The following PDZD2 variants were observed in gnomAD, a reference collection of about 807,000 sequenced individuals.
PDZD2 encodes the protein PDZ domain-containing protein 2.
PDZD2 carries 90 observed loss-of-function variants against 220.7 expected under a neutral mutation model. The ratio of observed to expected loss-of-function variants is 0.41; its 90% confidence interval spans 0.34 to 0.49. The LOEUF (loss-of-function observed/expected upper bound fraction) is 0.49, where lower values mean the gene tolerates loss of function less well. PDZD2 is among the 20% of genes least tolerant of loss of function. PDZD2 has a pLI of 0.28. For missense variants in PDZD2, 3,174 were observed against 3,608.5 expected, an observed-to-expected ratio of 0.88 and a Z score of 3.08; for synonymous variants, 1,375 against 1,450.5, an observed-to-expected ratio of 0.95 and a Z score of 1.18.
At chr5:31,680,081 G>A (rs762466726) in intron 1 of PDZD2, among the ~76,000 whole-genome samples, 6 of 152,122 alleles carry the variant, frequency 3.9e-5, no homozygotes, top group Non-Finnish European at 8.8e-5. Flanking sequence ...ATAATGCCTC[G>A]CATTCATGAA....
At chr5:31,664,632 G>A (rs939240484) in intron 1 of PDZD2, among the ~76,000 whole-genome samples, 6 of 152,272 alleles carry the variant, frequency 3.9e-5, no homozygotes, top group South Asian at 4.1e-4. Context: ...AGGAACAACC[G>A]TTTCAAGGTT....
At chr5:31,877,044 ATGAGTTACTGCATG>A (rs1739366293) in intron 2 of PDZD2, among the ~76,000 whole-genome samples, 1 of 152,218 alleles carries the variant, frequency 6.6e-6, no homozygotes, top group Admixed American at 6.5e-5. Flanking sequence ...TGATGATTCA[ATGAGTTACTGCATG>A]TGTCCTGCCT....
intron 1 of PDZD2, among the ~76,000 whole-genome samples, chr5:31,773,365 G>A (rs12514826): frequency 0.2 from 29,995 of 151,854 alleles, 4,610 homozygotes; most frequent in East Asian, 0.54. Context: ...AAAGGCAGAC[G>A]CGGTGGCTCA....
intron 1 of PDZD2, among the ~76,000 whole-genome samples, chr5:31,776,276 A>G (rs1122764): frequency 0.43 from 64,616 of 151,486 alleles, 14,337 homozygotes; most frequent in African/African-American, 0.46. Context: ...AAATTGTCCA[A>G]GATGCCAGCC....
chr5:31,819,439 C>G (rs1013318233), intron 2 of PDZD2, among the ~76,000 whole-genome samples: 6 of 151,900 alleles, frequency 3.9e-5, no homozygotes, highest in African/African-American at 1.5e-4. Context: ...GGTGGATCAC[C>G]TGAGGTCAGG....
At chr5:32,003,418 ACAC>A (rs1190871391) in intron 5 of PDZD2, among the ~76,000 whole-genome samples, 1 of 41,912 alleles carries the variant, frequency 2.4e-5, no homozygotes, top group African/African-American at 6.0e-5. Context: ...CTCCACACAC[ACAC>A]CCCCCCCACA....
chr5:31,799,050 T>C lies in PDZD2; in HGVS notation c.-199T>C, dbSNP rs565160445. The C allele has an allele frequency of 5.9e-5, 34 of 573,642 alleles. No homozygotes were observed. The African/African-American group carries it at 6.3e-4, about 11-fold the overall frequency. 35.5% of individuals were successfully genotyped at this position (573,642 alleles called of 1,614,324 possible). ...CTCCAGTGCCATTGTTCCACAGTTG[T>C]TCTAATTGGGTCCTAGCTTCCTCCT... On this transcript the variant is annotated 5_prime_UTR_variant, in exon 2 of 25. Coordinates refer to ENST00000438447, the MANE Select transcript of PDZD2 (RefSeq NM_178140.4).
rs1313183351 is a variant in PDZD2 at position 32,108,832 on chromosome 5, A to G, written c.*697A>G. ...GGTTATTGATCACCATGAAGTATTGATCATTTTCTATCTCAAAAGTGTAAG... is the reference window on the plus strand; with the variant it reads ...GGTTATTGATCACCATGAAGTATTGGTCATTTTCTATCTCAAAAGTGTAAG... On this transcript the variant is annotated 3_prime_UTR_variant, in exon 25 of 25. Transcript: ENST00000438447. 3 of 152,680 alleles carry G rather than the reference A, an allele frequency of 2.0e-5. No homozygotes were observed. Among genetic ancestry groups the G allele is most frequent in the Non-Finnish European group, 4.4e-5 (3 of 68,040 alleles). The allele number at this position is 152,680 out of a possible 1,614,324, so 9.5% of individuals were successfully genotyped here.
At chr5:32,010,539 G>A (rs1753211809) in intron 6 of PDZD2, 57 bp downstream of exon 6, 1 of 1,303,064 alleles carries the variant, frequency 7.7e-7, no homozygotes, top group Non-Finnish European at 1.1e-6. Context: ...TGAAGTCCTG[G>A]GCGCCAGGAT....
chr5:31,849,589 A>G (rs1757795753), intron 2 of PDZD2, among the ~76,000 whole-genome samples: 1 of 152,028 alleles, frequency 6.6e-6, no homozygotes, highest in African/African-American at 2.4e-5. Context: ...CACGCCTGTA[A>G]TCCTAGCACT....
chr5:31,881,456 C>T (rs1458000935), intron 2 of PDZD2, among the ~76,000 whole-genome samples: 1 of 150,954 alleles, frequency 6.6e-6, no homozygotes, highest in African/African-American at 2.4e-5. Flanking sequence ...CAGCTCACTG[C>T]AACCTCTGCC....
intron 7 of PDZD2, among the ~76,000 whole-genome samples, chr5:32,041,908 C>CA (rs56157199): frequency 0.1 from 9,473 of 90,900 alleles, 1,703 homozygotes; most frequent in African/African-American, 0.37. Context: ...AAAAAGAAAG[C>CA]AAAAAAAAAA....
intron 1 of PDZD2, among the ~76,000 whole-genome samples, chr5:31,678,914 CT>C (rs934770186): frequency 2.1e-4 from 32 of 152,050 alleles, no homozygotes; most frequent in East Asian, 1.7e-3. Flanking sequence ...GCCTATATTT[CT>C]TTTTTTTCCC....
chr5:32,027,517 GC>G (rs1179871682), intron 6 of PDZD2, among the ~76,000 whole-genome samples: 50 of 152,322 alleles, frequency 3.3e-4, no homozygotes, highest in Admixed American at 9.8e-4. Context: ...CACAGCCTGA[GC>G]GTCGCAGTGG....
At chr5:31,659,630 A>T (rs1471228061) in intron 1 of PDZD2, among the ~76,000 whole-genome samples, 1 of 152,030 alleles carries the variant, frequency 6.6e-6, no homozygotes, top group Non-Finnish European at 1.5e-5. Flanking sequence ...CATTGGATAA[A>T]CTATTTCAGT....
chr5:31,697,845 A>G (rs1747438861), intron 1 of PDZD2, among the ~76,000 whole-genome samples: 1 of 152,156 alleles, frequency 6.6e-6, no homozygotes, highest in Admixed American at 6.5e-5. Flanking sequence ...TCTGGGCTGC[A>G]GTCCAGAAAG....
At chr5:31,850,200 A>ATAAGTATATG (rs1365131513) in intron 2 of PDZD2, among the ~76,000 whole-genome samples, 1 of 128,840 alleles carries the variant, frequency 7.8e-6, no homozygotes, top group Non-Finnish European at 1.6e-5. Flanking sequence ...ATATGTATAT[A>ATAAGTATATG]TAAGTATATA....
chr5:32,063,280 A>G (rs1228991665), intron 14 of PDZD2, among the ~76,000 whole-genome samples: 1 of 152,136 alleles, frequency 6.6e-6, no homozygotes, highest in Non-Finnish European at 1.5e-5. Flanking sequence ...CCTGACCTCA[A>G]GTGATCCTCC....
In PDZD2 at chr5:31,702,669, G is replaced by A. The variant is rs144834238; in HGVS notation, c.-361+63232G>A. ...GCAGGTTAAACAGTCTCTAGAAGTC[G>A]GAGAGATAGGCCAAGATTATCTCGA... On this transcript the variant is annotated intron_variant, in intron 1 of 24. Coordinates refer to ENST00000438447, the MANE Select transcript of PDZD2 (RefSeq NM_178140.4). Among the ~76,000 whole-genome samples, 222 of 152,306 alleles carry A rather than the reference G, an allele frequency of 1.5e-3. 1 individual carries two copies. The highest frequency in any genetic ancestry group is 4.9e-3 in the African/African-American group (204 of 41,560).
Sources: allele counts gnomAD v4.1 joint callset (sites outside exome capture counted in the v4.1 genomes callset), GRCh38; gene constraint gnomAD v4.1.1; transcripts MANE v1.5; gene names NCBI Gene and HGNC (gene_info 2026-07-23, HGNC 2026-07-21).